CELF4: variants seen among roughly 807,000 people sequenced by gnomAD.
CELF4 encodes the protein CUGBP Elav-like family member 4, also known as CUG-BP- and ETR-3-like factor 4.
CELF4 carries 18 observed loss-of-function variants against 59.9 expected under a neutral mutation model. That is an observed-to-expected ratio of 0.30 (90% CI 0.21 to 0.45). The LOEUF is 0.45. Among genes scored for constraint, CELF4 ranks in the 20% least tolerant of loss-of-function variants. CELF4 has a pLI of 1.00. For synonymous variants in CELF4, 261 were observed against 267.1 expected, an observed-to-expected ratio of 0.98 and a Z score of 0.22; for missense variants, 456 against 689.0, an observed-to-expected ratio of 0.66 and a Z score of 3.79.
chr18:37,426,783 C>T (rs1482785818), intron 2 of CELF4, among the ~76,000 whole-genome samples: 3 of 152,098 alleles, frequency 2.0e-5, no homozygotes, highest in African/African-American at 2.4e-5. Context: ...CTGCCATGTG[C>T]GGTTTGCTGC....
chr18:37,242,963 T>A (rs1258719768), downstream of CELF4: 1 of 152,234 alleles, frequency 6.6e-6, no homozygotes, highest in Non-Finnish European at 1.5e-5. Context: ...GGACCAAAGC[T>A]ACTTCCAGTG....
intron 10 of CELF4, among the ~76,000 whole-genome samples, chr18:37,263,705 T>C (rs1192336617): frequency 6.6e-6 from 1 of 151,992 alleles, no homozygotes; most frequent in African/African-American, 2.4e-5. Flanking sequence ...CCAAAGATCT[T>C]GCTGTCCTGC....
intron 11 of CELF4, among the ~76,000 whole-genome samples, chr18:37,257,047 A>C (rs1031802332): frequency 6.6e-6 from 1 of 152,176 alleles, no homozygotes; most frequent in Non-Finnish European, 1.5e-5. Flanking sequence ...AATTTGTTCA[A>C]GAGAGGAGAG....
chr18:37,314,980 G>A (rs2096815492), intron 3 of CELF4, among the ~76,000 whole-genome samples: 1 of 152,148 alleles, frequency 6.6e-6, no homozygotes, highest in African/African-American at 2.4e-5. Context: ...GTTTCATCTG[G>A]CAGCTTCTCT....
intron 3 of CELF4, among the ~76,000 whole-genome samples, chr18:37,292,474 T>C (rs2095402095): frequency 6.6e-6 from 1 of 152,154 alleles, no homozygotes; most frequent in Admixed American, 6.5e-5. Flanking sequence ...CATTCAGCCT[T>C]GGGAAGACTG....
At chr18:37,351,250 C>T (rs1489326560) in intron 2 of CELF4, among the ~76,000 whole-genome samples, 4 of 152,162 alleles carry the variant, frequency 2.6e-5, no homozygotes, top group Admixed American at 2.6e-4. Flanking sequence ...CTGAAGGCAT[C>T]GTGTTGATTA....
At chr18:37,433,126 C>T (rs1037201433) in intron 2 of CELF4, among the ~76,000 whole-genome samples, 5 of 152,190 alleles carry the variant, frequency 3.3e-5, no homozygotes, top group African/African-American at 9.7e-5. Flanking sequence ...GGTGCTGCCC[C>T]GTTCACCTCT....
chr18:37,278,511 C>G (rs542031802), intron 3 of CELF4, among the ~76,000 whole-genome samples: 1 of 152,212 alleles, frequency 6.6e-6, no homozygotes, highest in Admixed American at 6.5e-5. Context: ...CTGACTCCCC[C>G]TCCCGCTCCC....
chr18:37,268,368 C>G (rs2078758503), intron 8 of CELF4, among the ~76,000 whole-genome samples: 1 of 152,250 alleles, frequency 6.6e-6, no homozygotes, highest in South Asian at 2.1e-4. Flanking sequence ...CTGCCAGCCT[C>G]TAAGCTCTAT....
intron 2 of CELF4, among the ~76,000 whole-genome samples, chr18:37,379,214 G>A (rs955898500): frequency 2.0e-5 from 3 of 152,166 alleles, no homozygotes; most frequent in Non-Finnish European, 4.4e-5. Flanking sequence ...GATTGGATGA[G>A]AGCAGGGATA....
At chr18:37,409,419 C>A (rs1019911902) in intron 2 of CELF4, among the ~76,000 whole-genome samples, 5 of 152,126 alleles carry the variant, frequency 3.3e-5, no homozygotes, top group African/African-American at 1.2e-4. Context: ...GAGGGTTGGG[C>A]AGACAGTTAC....
chr18:37,272,240 T>C (rs1024229943), intron 7 of CELF4, among the ~76,000 whole-genome samples: 4 of 152,306 alleles, frequency 2.6e-5, no homozygotes, highest in Admixed American at 6.5e-5. Context: ...TGGGGCCAGA[T>C]AGTTCCTTGT....
chr18:37,390,950 T>G (rs1603634272), intron 2 of CELF4, among the ~76,000 whole-genome samples: 1 of 152,212 alleles, frequency 6.6e-6, no homozygotes, highest in South Asian at 2.1e-4. Flanking sequence ...GGGCAGCCGC[T>G]GCAGGGAGCG....
chr18:37,558,930 G>A (rs1398180453), intron 1 of CELF4, among the ~76,000 whole-genome samples: 3 of 151,832 alleles, frequency 2.0e-5, no homozygotes, highest in African/African-American at 7.3e-5. Flanking sequence ...TGGCCACTCG[G>A]CCACTCAGAT....
rs1569477616 is a variant in CELF4, at chr18:37,275,175, C to T, written c.517G>A (p.Glu173Lys). The stretch of plus-strand genomic sequence containing the variant: ...CACTCCTCGATGTTCCCAAAGGCCT[C>T]GAAAAGGCGGCGCACGTCGTCCTCG... Reference protein sequence around the residue: ...QSEDDVRRLFEAFGNIEECTI... With the variant: ...QSEDDVRRLFKAFGNIEECTI... The change falls in exon 4 of 13, where the codon GAG becomes AAG. Residue 173 changes from glutamate (E) to lysine (K), a missense_variant. Physicochemically the swap from Glu to Lys is moderately conservative, Grantham distance 56. Around this residue, in one of 7 missense-constraint regions of CELF4, gnomAD observed 56 missense variants for 92.0 expected, o/e 0.61. Transcript: ENST00000420428. The T allele has an allele frequency of 1.2e-6, 2 of 1,613,536 alleles. No individual in the cohort carries two copies. Among genetic ancestry groups the T allele is most frequent in the Non-Finnish European group, 1.7e-6 (2 of 1,179,890 alleles).
In CELF4 at chr18:37,408,822, C is replaced by T. The variant is rs368550022; in HGVS notation, c.369+76703G>A. Among the ~76,000 whole-genome samples, 4 of 152,288 alleles carry T rather than the reference C, an allele frequency of 2.6e-5. No individual in the cohort carries two copies. The East Asian group carries it at 7.7e-4, about 29-fold the overall frequency. ...CAGCTCTTCAGGGTACAGGTATCGC[C>T]GCCTGCTCCGTGGTGTGTGGGGGTG... On this transcript the variant is annotated intron_variant, in intron 2 of 12. Coordinates refer to ENST00000420428, the MANE Select transcript of CELF4 (RefSeq NM_020180.4).
intron 9 of CELF4, among the ~76,000 whole-genome samples, chr18:37,265,083 T>C (rs375937293): frequency 6.9e-4 from 103 of 148,486 alleles, no homozygotes; most frequent in African/African-American, 2.3e-3. Context: ...TACGTGTGTG[T>C]ACAGTACATG....
At chr18:37,374,401 T>G (rs376983852) in intron 2 of CELF4, among the ~76,000 whole-genome samples, 6 of 152,172 alleles carry the variant, frequency 3.9e-5, no homozygotes, top group Non-Finnish European at 7.3e-5. Flanking sequence ...CTTCCACAGC[T>G]GGGGCTGGAA....
At chr18:37,304,464 A>G (rs2096270031) in intron 3 of CELF4, among the ~76,000 whole-genome samples, 1 of 152,182 alleles carries the variant, frequency 6.6e-6, no homozygotes. Flanking sequence ...ATGGTGGGGC[A>G]GTGGGTGGAG....
Sources: allele counts gnomAD v4.1 joint callset (sites outside exome capture counted in the v4.1 genomes callset), GRCh38; gene constraint gnomAD v4.1.1; regional missense constraint gnomAD v4.1.1; transcripts MANE v1.5; gene names NCBI Gene and HGNC (gene_info 2026-07-23, HGNC 2026-07-21).